Variants in ZNF66 observed in about 807,000 individuals in gnomAD.
The protein encoded by ZNF66 is zinc finger protein 66, also known as putative zinc finger protein 66.
A neutral mutation model predicts 35.2 loss-of-function variants in ZNF66; 32 were observed. The ratio of observed to expected loss-of-function variants is 0.91; its 90% CI spans 0.69 to 1.22. ZNF66 has a LOEUF of 1.22. ZNF66 is among the 50% of genes most tolerant of loss of function. ZNF66 has a pLI of 0.00. For synonymous variants in ZNF66, 231 were observed against 181.3 expected, an observed-to-expected ratio of 1.27 and a Z score of -2.20; for missense variants, 666 against 543.1, an observed-to-expected ratio of 1.23 and a Z score of -2.25.
chr19:20,787,485 A>G (rs902518621), intron 1 of ZNF66, among the ~76,000 whole-genome samples: 6 of 152,224 alleles, frequency 3.9e-5, no homozygotes, highest in South Asian at 2.1e-4. Flanking sequence ...CCTGGGATTT[A>G]CAAAAAAGCC....
intron 1 of ZNF66, 115 bp downstream of exon 1, chr19:20,776,565 T>G (rs2144886656): frequency 1.5e-6 from 2 of 1,330,996 alleles, no homozygotes; most frequent in East Asian, 4.7e-5. Flanking sequence ...CAGCTCTGCC[T>G]CAGTCCCATT....
At chr19:20,787,098 A>G (rs1233856266) in intron 1 of ZNF66, among the ~76,000 whole-genome samples, 1 of 152,134 alleles carries the variant, frequency 6.6e-6, no homozygotes, top group Non-Finnish European at 1.5e-5. Context: ...ATTATGATAT[A>G]TATCTAATTA....
intron 1 of ZNF66, among the ~76,000 whole-genome samples, chr19:20,781,203 C>G (rs1296777040): frequency 1.3e-5 from 2 of 152,226 alleles, no homozygotes; most frequent in African/African-American, 4.8e-5. Flanking sequence ...ACCTGCATTG[C>G]ACTCTCTCCT....
At position 20,806,544 on chromosome 19, in the gene ZNF66, G is replaced by A. The variant is rs904238676; in HGVS notation, c.944G>A (p.Cys315Tyr). ...IIHTGEKPYKCEECGKAFNWS... is the reference protein window; with the variant it reads ...IIHTGEKPYKYEECGKAFNWS... ...CATACTGGAGAGAAACCCTACAAAT[G>A]TGAAGAATGTGGTAAAGCCTTCAAC... The change falls in exon 4 of 4, where the codon TGT (cysteine) becomes TAT (tyrosine). Residue 315 changes from cysteine (C) to tyrosine (Y), a missense_variant. Physicochemically the swap from Cys to Tyr is radical, Grantham distance 194. Transcript: ENST00000344519. The A allele has an allele frequency of 4.5e-6, 7 of 1,544,970 alleles. No individual in the cohort carries two copies. The highest frequency in any genetic ancestry group is 1.4e-5 in the African/African-American group (1 of 73,394).
chr19:20,777,978 A>G (rs1027018573), intron 1 of ZNF66, among the ~76,000 whole-genome samples: 1 of 152,202 alleles, frequency 6.6e-6, no homozygotes, highest in African/African-American at 2.4e-5. Context: ...CTCTTTTTGC[A>G]GGGTAAATTT....
At chr19:20,797,581 T>G (rs535207202) in intron 3 of ZNF66, among the ~76,000 whole-genome samples, 238 of 151,728 alleles carry the variant, frequency 1.6e-3, no homozygotes, top group Non-Finnish European at 2.2e-3. Flanking sequence ...TTTTTTTTTT[T>G]GGGATGGAGT....
chr19:20,777,190 A>C (rs1285663399), intron 1 of ZNF66, among the ~76,000 whole-genome samples: 1 of 151,994 alleles, frequency 6.6e-6, no homozygotes, highest in Admixed American at 6.6e-5. Flanking sequence ...GAGTGATTCA[A>C]GAATTGTAGA....
chr19:20,790,922 C>T (rs2358606), intron 1 of ZNF66, among the ~76,000 whole-genome samples: 56,549 of 151,930 alleles, frequency 0.37, 11,217 homozygotes, highest in East Asian at 0.45. Flanking sequence ...GATAGTCAAA[C>T]GTGTCTGAAA....
chr19:20,791,829 G>T (rs1971340704), intron 1 of ZNF66, among the ~76,000 whole-genome samples: 1 of 152,134 alleles, frequency 6.6e-6, no homozygotes, highest in Non-Finnish European at 1.5e-5. Context: ...GTCTCTGACA[G>T]ACTTTTTTTT....
chr19:20,777,332 A>G (rs1242247358), intron 1 of ZNF66, among the ~76,000 whole-genome samples: 1 of 151,950 alleles, frequency 6.6e-6, no homozygotes, highest in Non-Finnish European at 1.5e-5. Flanking sequence ...TAATTTGTAC[A>G]ATCAAGGTGG....
At position 20,806,555 on chromosome 19, in the gene ZNF66, G is replaced by A; in HGVS notation, c.955G>A (p.Gly319Ser). ...GEKPYKCEEC[G>S]KAFNWSSHLT... Reference sequence around the variant, plus strand: ...GAAACCCTACAAATGTGAAGAATGTGGTAAAGCCTTCAACTGGTCCTCACA... The same window carrying A: ...GAAACCCTACAAATGTGAAGAATGTAGTAAAGCCTTCAACTGGTCCTCACA... Residue 319 changes from glycine (G) to serine (S), a missense_variant, in exon 4 of 4, where the codon GGT becomes AGT. Physicochemically the swap from Gly to Ser is moderately conservative, Grantham distance 56. Coordinates refer to ENST00000344519, the MANE Select transcript of ZNF66 (RefSeq NM_001355197.2). The A allele has an allele frequency of 6.4e-7, 1 of 1,558,496 alleles. No homozygotes were observed. The highest frequency in any genetic ancestry group is 1.1e-5 in the South Asian group (1 of 89,950).
At chr19:20,777,061 G>A (rs1189026867) in intron 1 of ZNF66, among the ~76,000 whole-genome samples, 1 of 146,062 alleles carries the variant, frequency 6.8e-6, no homozygotes, top group Non-Finnish European at 1.5e-5. Flanking sequence ...GTTGCAGTGA[G>A]CTGAAATCCT....
At chr19:20,805,449 C>T (rs745831644) in intron 3 of ZNF66, among the ~76,000 whole-genome samples, 3 of 152,160 alleles carry the variant, frequency 2.0e-5, no homozygotes, top group Non-Finnish European at 4.4e-5. Context: ...ATGTCAGCCT[C>T]CCAAAGTGCT....
rs981142297 is a variant in ZNF66 at position 20,807,623 on chromosome 19, C to G, written c.*301C>G. Among the ~76,000 whole-genome samples, 4 of 151,184 alleles carry G rather than the reference C, an allele frequency of 2.6e-5. No individual in the cohort carries two copies. The highest frequency in any genetic ancestry group is 2.0e-4 in the Admixed American group (3 of 15,206). On this transcript the variant is annotated 3_prime_UTR_variant, in exon 4 of 4. Coordinates refer to ENST00000344519, the MANE Select transcript of ZNF66 (RefSeq NM_001355197.2). ...GAGATGAAGTTTCATGCTTGTCACCCAAGCTGGAATACAATGTGATGATCT... is the reference window on the plus strand; with the variant it reads ...GAGATGAAGTTTCATGCTTGTCACCGAAGCTGGAATACAATGTGATGATCT...
At chr19:20,783,469 T>C (rs1971261821) in intron 1 of ZNF66, among the ~76,000 whole-genome samples, 1 of 152,224 alleles carries the variant, frequency 6.6e-6, no homozygotes, top group East Asian at 1.9e-4. Context: ...AGATTATCTT[T>C]ATCTGGTACT....
At position 20,776,370 on chromosome 19, in the gene ZNF66, C is replaced by T. The variant is rs1568492303; in HGVS notation, c.-78C>T. The T allele has an allele frequency of 5.3e-6, 8 of 1,517,024 alleles. No homozygotes were observed. The East Asian group carries it at 1.6e-4, about 30-fold the overall frequency. The allele number at this position is 1,517,024 out of a possible 1,614,324, so 94.0% of individuals were successfully genotyped here. A position where few individuals can be genotyped will look rare whatever the true frequency, so the allele number is the denominator to read the frequency against. ...CTCTCTGTCTTCTTCTCCTAGAGGC[C>T]CAGCCTCTGTGGCCCTGTGTCCTGC... On this transcript the variant is annotated 5_prime_UTR_variant, in exon 1 of 4. Coordinates refer to ENST00000344519, the MANE Select transcript of ZNF66 (RefSeq NM_001355197.2).
rs566791817 is a variant in ZNF66, at chr19:20,809,533, C to T, written c.*2211C>T. On this transcript the variant is annotated 3_prime_UTR_variant, in exon 4 of 4. Transcript: ENST00000344519. ...AGAGTGGGGGCCAATATTCAACATT[C>T]TTAAAGAAAAGAATTTTCAACCCAG... 2.0e-5 allele frequency among the ~76,000 whole-genome samples: 3 copies of T among 152,012 alleles called. No homozygotes were observed. Among genetic ancestry groups the T allele is most frequent in the Non-Finnish European group, 4.4e-5 (3 of 68,012 alleles).
At chr19:20,803,174 T>C (rs968917361) in intron 3 of ZNF66, among the ~76,000 whole-genome samples, 1 of 133,424 alleles carries the variant, frequency 7.5e-6, no homozygotes. Flanking sequence ...AATTTTTTAA[T>C]AAACCTTTTT....
intron 3 of ZNF66, chr19:20,794,215 C>T (rs1971370218): frequency 3.7e-6 from 1 of 271,062 alleles, no homozygotes. Flanking sequence ...AAATATCTTC[C>T]TAATTTTGAG....
Sources: allele counts gnomAD v4.1 joint callset (sites outside exome capture counted in the v4.1 genomes callset), GRCh38; gene constraint gnomAD v4.1.1; transcripts MANE v1.5; gene names NCBI Gene and HGNC (gene_info 2026-07-23, HGNC 2026-07-21).